The following CDH7 variants were observed in gnomAD, a reference collection of about 807,000 sequenced individuals.
CDH7 encodes the protein cadherin 7.
CDH7 carries 25 observed loss-of-function variants against 71.8 expected under a neutral mutation model. That is an observed-to-expected ratio of 0.35 (90% CI 0.25 to 0.49). The LOEUF is 0.49. CDH7 is among the 20% of genes least tolerant of loss of function. The probability of loss-of-function intolerance (pLI) is 0.99; values close to 1 mark genes in which losing one functional copy is unlikely to be tolerated. For synonymous variants in CDH7, 381 were observed against 363.8 expected (o/e 1.05, Z -0.54); for missense variants, 862 against 974.6 (o/e 0.88, Z 1.54).
At chr18:65,857,018 A>G (rs1418747988) in intron 7 of CDH7, among the ~76,000 whole-genome samples, 1 of 12,818 alleles carries the variant, frequency 7.8e-5, no homozygotes, top group East Asian at 0.029. Context: ...GTAAGATTTA[A>G]AAAAAAAAAA....
At chr18:65,805,982 T>A (rs1911303929) in intron 2 of CDH7, among the ~76,000 whole-genome samples, 1 of 152,156 alleles carries the variant, frequency 6.6e-6, no homozygotes, top group African/African-American at 2.4e-5. Context: ...AGGATTATGA[T>A]TCAGAATGAA....
At chr18:65,761,696 G>C (rs778110649) in intron 1 of CDH7, among the ~76,000 whole-genome samples, 25 of 152,132 alleles carry the variant, frequency 1.6e-4, no homozygotes, top group Non-Finnish European at 3.1e-4. Flanking sequence ...TTGTGTTTTA[G>C]GGGTATGTTC....
chr18:65,838,397 A>C (rs185695066), intron 6 of CDH7, among the ~76,000 whole-genome samples: 6 of 152,320 alleles, frequency 3.9e-5, no homozygotes, highest in Admixed American at 3.9e-4. Flanking sequence ...AACAGCTAGA[A>C]TCTCCAGAGA....
At chr18:65,826,210 A>T (rs1192918755) in intron 6 of CDH7, among the ~76,000 whole-genome samples, 1 of 150,704 alleles carries the variant, frequency 6.6e-6, no homozygotes, top group African/African-American at 2.4e-5. Flanking sequence ...AAAACTCATT[A>T]AAAAATTGCA....
chr18:65,864,407 GTT>G (rs1294279744), intron 11 of CDH7, among the ~76,000 whole-genome samples: 1 of 137,546 alleles, frequency 7.3e-6, no homozygotes. Flanking sequence ...GTTTTGTTTT[GTT>G]TTTTTTTTTT....
chr18:65,877,539 A>C (rs8092509), intron 11 of CDH7, among the ~76,000 whole-genome samples: 81,985 of 151,958 alleles, frequency 0.54, 25,829 homozygotes, highest in East Asian at 0.92. Context: ...TTATACCCTT[A>C]CTGACTCTCA....
At chr18:65,842,178 T>G (rs1445578355) in intron 6 of CDH7, among the ~76,000 whole-genome samples, 1 of 152,076 alleles carries the variant, frequency 6.6e-6, no homozygotes, top group Non-Finnish European at 1.5e-5. Flanking sequence ...TTCTAATTTT[T>G]TTGTTGTTGT....
chr18:65,874,535 G>A (rs556290781), intron 11 of CDH7, among the ~76,000 whole-genome samples: 9 of 152,012 alleles, frequency 5.9e-5, no homozygotes, highest in African/African-American at 9.7e-5. Flanking sequence ...GAGAGTTGAC[G>A]GGGAGTAAGG....
intron 11 of CDH7, among the ~76,000 whole-genome samples, chr18:65,867,257 G>T (rs1205538562): frequency 1.3e-5 from 2 of 151,960 alleles, no homozygotes; most frequent in Non-Finnish European, 2.9e-5. Context: ...GGATGGTCTC[G>T]ATCTCCTGAC....
At chr18:65,761,294 T>C (rs2143784366) in intron 1 of CDH7, among the ~76,000 whole-genome samples, 1 of 152,332 alleles carries the variant, frequency 6.6e-6, no homozygotes, top group Non-Finnish European at 1.5e-5. Context: ...ATGTGAACGA[T>C]TTAAAAATTT....
intron 10 of CDH7, among the ~76,000 whole-genome samples, chr18:65,861,025 G>A (rs191875920): frequency 6.6e-6 from 1 of 152,114 alleles, no homozygotes; most frequent in East Asian, 1.9e-4. Context: ...TGCAGAGAAG[G>A]GAATTTATGA....
At chr18:65,763,547 T>A (rs1916265261) in intron 2 of CDH7, among the ~76,000 whole-genome samples, 1 of 152,062 alleles carries the variant, frequency 6.6e-6, no homozygotes, top group East Asian at 1.9e-4. Flanking sequence ...TTCTAAATTA[T>A]GAACAATTTA....
rs768658554 is a variant in CDH7, at chr18:65,857,843, GGA to G, written c.1268_1269del (p.Arg423IlefsTer5). The G allele has an allele frequency of 6.2e-7, 1 of 1,613,380 alleles. No individual in the cohort carries two copies. The highest frequency in any genetic ancestry group is 8.5e-7 in the Non-Finnish European group (1 of 1,179,504). ...RYSIDRNTDLERYFNIDANSG... is the reference protein window; with the variant it reads ...RYSIDRNTDLXRYFNIDANSG... ...ACTCAATTGACAGAAACACAGACTT[GGA>G]GAGATACTTCAATATTGATGCCAAC... On this transcript the variant is annotated frameshift_variant, in exon 8 of 12. Coordinates refer to ENST00000397968, the MANE Select transcript of CDH7 (RefSeq NM_004361.5). LOFTEE classifies it high-confidence loss of function.
Position 65,873,407 on chromosome 18 carries a change from A to C in CDH7, c.1865-6994A>C, listed in dbSNP as rs545871462. Among the ~76,000 whole-genome samples, 44 of 152,342 alleles carry C rather than the reference A, an allele frequency of 2.9e-4. 1 individual carries two copies. The South Asian group carries it at 6.2e-3, about 22-fold the overall frequency. On this transcript the variant is annotated intron_variant, in intron 11 of 11. Coordinates refer to ENST00000397968, the MANE Select transcript of CDH7 (RefSeq NM_004361.5). ...ACCATCAGTGTGAAATGCATATGTA[A>C]TTTGAAATTTTCACGTAGCTTTATT...
At chr18:65,802,430 T>C (rs1384593735) in intron 2 of CDH7, among the ~76,000 whole-genome samples, 1 of 152,180 alleles carries the variant, frequency 6.6e-6, no homozygotes, top group Non-Finnish European at 1.5e-5. Flanking sequence ...TTATCTTAAT[T>C]CAGAAAAACC....
chr18:65,807,059 G>A (rs2143899074), intron 2 of CDH7, among the ~76,000 whole-genome samples: 2 of 151,614 alleles, frequency 1.3e-5, no homozygotes, highest in East Asian at 3.9e-4. Flanking sequence ...TCAGCGATGG[G>A]AAGAATAGTA....
At chr18:65,782,355 C>T (rs1200094751) in intron 2 of CDH7, among the ~76,000 whole-genome samples, 3 of 151,552 alleles carry the variant, frequency 2.0e-5, no homozygotes, top group East Asian at 1.9e-4. Context: ...TTAGTAGAGA[C>T]GGGGTTTTGC....
At chr18:65,794,792 C>T (rs1009578290) in intron 2 of CDH7, among the ~76,000 whole-genome samples, 2 of 151,916 alleles carry the variant, frequency 1.3e-5, no homozygotes, top group African/African-American at 4.8e-5. Context: ...TTGGGGAGAC[C>T]TGCAGTCAAG....
At chr18:65,797,573 A>G (rs1910963045) in intron 2 of CDH7, among the ~76,000 whole-genome samples, 1 of 152,136 alleles carries the variant, frequency 6.6e-6, no homozygotes, top group Non-Finnish European at 1.5e-5. Context: ...GGGGCAGAGT[A>G]TAGTCTTATT....
Sources: gnomAD v4.1 joint callset for allele counts (sites outside exome capture counted in the v4.1 genomes callset) on GRCh38, gnomAD v4.1.1 for gene constraint, MANE v1.5 for transcripts, NCBI Gene and HGNC (gene_info 2026-07-23, HGNC 2026-07-21) for gene names.